Variants in SETD2 observed in about 807,000 individuals in gnomAD.
SETD2 encodes SET domain containing 2, histone lysine methyltransferase.
A neutral mutation model predicts 242.1 loss-of-function variants in SETD2; 31 were observed. That is an observed-to-expected ratio of 0.13 (90% CI 0.10 to 0.17). SETD2 has a LOEUF of 0.17. SETD2 is among the 10% of genes least tolerant of loss of function. SETD2 has a pLI of 1.00. For synonymous variants in SETD2, 1,006 were observed against 1,066.5 expected (o/e 0.94, Z 1.11); for missense variants, 2,481 against 3,046.3 (o/e 0.81, Z 4.37).
chr3:47,142,595 A>G (rs937151053), intron 1 of SETD2, among the ~76,000 whole-genome samples: 2 of 152,084 alleles, frequency 1.3e-5, no homozygotes, highest in African/African-American at 4.8e-5. Flanking sequence ...AAAAAGCAAG[A>G]AACAAAACAG....
chr3:47,093,206 T>C (rs1319604685), intron 9 of SETD2, among the ~76,000 whole-genome samples: 1 of 152,104 alleles, frequency 6.6e-6, no homozygotes, highest in African/African-American at 2.4e-5. Context: ...TCACTCAACC[T>C]TACATTTTAA....
intron 1 of SETD2, among the ~76,000 whole-genome samples, chr3:47,149,758 T>G (rs1319681516): frequency 2.6e-5 from 4 of 152,208 alleles, no homozygotes; most frequent in Non-Finnish European, 4.4e-5. Context: ...CAACAAATGT[T>G]AGCTGAATAA....
At chr3:47,027,360 A>AAT (rs2038536495) in intron 18 of SETD2, among the ~76,000 whole-genome samples, 1 of 150,158 alleles carries the variant, frequency 6.7e-6, no homozygotes, top group South Asian at 2.1e-4. Flanking sequence ...AAAAAAAAAA[A>AAT]AGAGAACACA....
chr3:47,106,491 T>TC (rs2042424759), intron 5 of SETD2, among the ~76,000 whole-genome samples: 1 of 84,192 alleles, frequency 1.2e-5, no homozygotes, highest in African/African-American at 6.6e-5. Context: ...GGATTTTTGC[T>TC]CTAAAAAAAA....
At position 47,084,068 on chromosome 3, in the gene SETD2, A is replaced by G. The variant is rs1220944666; in HGVS notation, c.5712T>C (p.Asp1904=). ...SDATSELEGK[D]GKEDLDQLEN... is the part of the protein sequence containing the mutation. ...CTAATTGATCAAGATCCTCTTTGCC[A>G]TCCTTGCCTTCTAGCTCACTGGTTG... Residue 1904 remains aspartate (D), a synonymous_variant, in exon 12 of 21, where the codon GAT becomes GAC. Coordinates refer to ENST00000409792, the MANE Select transcript of SETD2 (RefSeq NM_014159.7). 3 of 1,614,072 alleles carry G rather than the reference A, an allele frequency of 1.9e-6. No homozygotes were observed. The Admixed American group carries it at 5.0e-5, about 27-fold the overall frequency.
Position 47,121,895 on chromosome 3 carries a change from C to A in SETD2, c.2741G>T (p.Ser914Ile). The change falls in exon 3 of 21, where the codon AGT (serine) becomes ATT (isoleucine). Residue 914 changes from serine to isoleucine, a missense_variant. Coordinates refer to ENST00000409792, the MANE Select transcript of SETD2 (RefSeq NM_014159.7). ...TSPVLDAVLK[S>I]KKSSEFLKHA... is the part of the protein sequence containing the mutation. ...CTTTAAAAACTCTGAACTTTTTTTACTCTTTAGCACTGCATCCAGAACTGG... is the reference window on the plus strand; with the variant it reads ...CTTTAAAAACTCTGAACTTTTTTTAATCTTTAGCACTGCATCCAGAACTGG... The A allele has an allele frequency of 6.2e-7, 1 of 1,613,952 alleles. No individual in the cohort carries two copies. Among genetic ancestry groups the A allele is most frequent in the Non-Finnish European group, 8.5e-7 (1 of 1,179,980 alleles).
intron 10 of SETD2, among the ~76,000 whole-genome samples, chr3:47,086,747 T>C (rs1361370205): frequency 1.3e-5 from 2 of 151,886 alleles, no homozygotes; most frequent in Non-Finnish European, 2.9e-5. Context: ...TTAATCATCA[T>C]GGTTTTTTTA....
intron 16 of SETD2, among the ~76,000 whole-genome samples, chr3:47,045,922 C>A (rs574566949): frequency 6.7e-6 from 1 of 150,226 alleles, no homozygotes; most frequent in Non-Finnish European, 1.5e-5. Context: ...ACTACAGGTG[C>A]GGAGCAAAAT....
intron 1 of SETD2, among the ~76,000 whole-genome samples, chr3:47,139,268 T>C (rs1389108411): frequency 6.6e-6 from 1 of 152,150 alleles, no homozygotes; most frequent in Non-Finnish European, 1.5e-5. Context: ...CACTAAAGCC[T>C]TTCCTTCCTT....
chr3:47,059,374 C>T (rs2040236722), intron 14 of SETD2, among the ~76,000 whole-genome samples: 2 of 151,998 alleles, frequency 1.3e-5, no homozygotes, highest in Middle Eastern at 6.8e-3. Context: ...CCTCAGCCTC[C>T]CAAAGTGCTG....
intron 1 of SETD2, among the ~76,000 whole-genome samples, chr3:47,132,799 C>T (rs766942842): frequency 4.6e-5 from 7 of 152,060 alleles, no homozygotes; most frequent in Non-Finnish European, 8.8e-5. Flanking sequence ...GTAGTATAGG[C>T]CTCATTTAAA....
intron 7 of SETD2, among the ~76,000 whole-genome samples, chr3:47,102,973 G>A (rs1319878631): frequency 2.6e-5 from 4 of 152,126 alleles, no homozygotes; most frequent in African/African-American, 9.7e-5. Context: ...GGCAAGGAAG[G>A]AGAGGTGACA....
At chr3:47,053,794 C>G (rs754608621) in intron 15 of SETD2, among the ~76,000 whole-genome samples, 5 of 152,120 alleles carry the variant, frequency 3.3e-5, no homozygotes, top group Non-Finnish European at 5.9e-5. Context: ...TGAACATGAC[C>G]AGATGTTACT....
intron 1 of SETD2, among the ~76,000 whole-genome samples, chr3:47,142,536 G>C (rs973404660): frequency 6.6e-6 from 1 of 151,856 alleles, no homozygotes; most frequent in African/African-American, 2.4e-5. Flanking sequence ...AAAATAAAAG[G>C]TCATAATGAA....
At position 47,083,470 on chromosome 3, in the gene SETD2, A is replaced by G. The variant is rs984088502; in HGVS notation, c.6060+250T>C. ...TTTTAATGTGAAGAGCACTTAAATG[A>G]CTGAACTCACTATTGTGATGTACTT... is the stretch of plus-strand genomic sequence containing the variant. On this transcript the variant is annotated intron_variant, in intron 12 of 20. Coordinates refer to ENST00000409792, the MANE Select transcript of SETD2 (RefSeq NM_014159.7). Among the ~76,000 whole-genome samples the G allele has an allele frequency of 1.3e-5, 2 of 152,214 alleles. 1 individual carries two copies. The highest frequency in any genetic ancestry group is 4.8e-5 in the African/African-American group (2 of 41,446).
chr3:47,131,187 GA>G (rs2043466682), intron 1 of SETD2, among the ~76,000 whole-genome samples: 1 of 152,014 alleles, frequency 6.6e-6, no homozygotes, highest in African/African-American at 2.4e-5. Context: ...TACCTTAGAA[GA>G]AAAAAGATTT....
At chr3:47,078,691 A>G (rs1014649006) in intron 12 of SETD2, among the ~76,000 whole-genome samples, 2 of 152,006 alleles carry the variant, frequency 1.3e-5, no homozygotes, top group African/African-American at 4.8e-5. Context: ...GGAAATACAC[A>G]ATATCCAGGG....
intron 16 of SETD2, among the ~76,000 whole-genome samples, chr3:47,043,951 T>C (rs2039399583): frequency 6.6e-6 from 1 of 152,218 alleles, no homozygotes. Context: ...ACTTTATTTT[T>C]AGTGTAGTCA....
chr3:47,034,370 CAT>C (rs965066646), intron 18 of SETD2, among the ~76,000 whole-genome samples: 3 of 152,206 alleles, frequency 2.0e-5, no homozygotes, highest in Non-Finnish European at 2.9e-5. Flanking sequence ...CCCCAACACA[CAT>C]GAGCATATCA....
Sources: gnomAD v4.1 joint callset for allele counts (sites outside exome capture counted in the v4.1 genomes callset) on GRCh38, gnomAD v4.1.1 for gene constraint, MANE v1.5 for transcripts, NCBI Gene and HGNC (gene_info 2026-07-23, HGNC 2026-07-21) for gene names.